Variants in RAB3IP observed in about 807,000 individuals in gnomAD.
RAB3IP encodes the protein rab-3A-interacting protein.
RAB3IP carries 36 observed loss-of-function variants against 59.1 expected under a neutral mutation model. The observed-to-expected ratio is 0.61, with a 90% CI of 0.47 to 0.80. The LOEUF is 0.80. RAB3IP is among the 30% of genes least tolerant of loss of function. The pLI is 0.00. For synonymous variants in RAB3IP, 207 were observed against 191.2 expected (o/e 1.08, Z -0.68); for missense variants, 511 against 536.0 (o/e 0.95, Z 0.46).
upstream of RAB3IP, chr12:69,738,692 G>A (rs1305081251): frequency 6.6e-6 from 1 of 152,204 alleles, no homozygotes; most frequent in Non-Finnish European, 1.5e-5. Flanking sequence ...GGCCAGGGCC[G>A]TGACACCTGC....
intron 4 of RAB3IP, among the ~76,000 whole-genome samples, chr12:69,788,442 A>C (rs1876069297): frequency 6.6e-6 from 1 of 152,144 alleles, no homozygotes; most frequent in South Asian, 2.1e-4. Flanking sequence ...AGTAAAGTAA[A>C]AATAAATATG....
chr12:69,740,329 A>G (rs1034557672), intron 1 of RAB3IP, among the ~76,000 whole-genome samples: 2 of 152,146 alleles, frequency 1.3e-5, no homozygotes, highest in African/African-American at 2.4e-5. Context: ...GTGCATTTTG[A>G]TAGGACTTTT....
At chr12:69,769,658 A>G (rs1457106092) in intron 3 of RAB3IP, among the ~76,000 whole-genome samples, 1 of 152,236 alleles carries the variant, frequency 6.6e-6, no homozygotes, top group Non-Finnish European at 1.5e-5. Flanking sequence ...CCAGAAACAA[A>G]TATTTATTGA....
rs1592650119 is a variant in RAB3IP, at chr12:69,819,414, A to G, written c.*3968A>G. The G allele has an allele frequency of 6.6e-6, 1 of 152,226 alleles. No homozygotes were observed. The highest frequency in any genetic ancestry group is 2.4e-5 in the African/African-American group (1 of 41,438). The allele number at this position is 152,226 out of a possible 1,614,324, so 9.4% of individuals were successfully genotyped here. A position where few individuals can be genotyped will look rare whatever the true frequency, so the allele number is the denominator to read the frequency against. ...AAGTGTGAGGTGCCCACTGAGCATC[A>G]AAGTGGATATGTTAAGCAGGTATTG... On this transcript the variant is annotated 3_prime_UTR_variant, in exon 11 of 11. Coordinates refer to ENST00000247833, the MANE Select transcript of RAB3IP (RefSeq NM_022456.5).
At chr12:69,787,813 A>G (rs1219663059) in intron 4 of RAB3IP, among the ~76,000 whole-genome samples, 2 of 152,132 alleles carry the variant, frequency 1.3e-5, no homozygotes, top group Non-Finnish European at 2.9e-5. Context: ...ACTAATATTT[A>G]TTGAGAGTTC....
At position 69,756,326 on chromosome 12, in the gene RAB3IP, G is replaced by A. The variant is rs1870203962; in HGVS notation, c.252-79G>A. 6.8e-6 allele frequency: 10 copies of A among 1,473,228 alleles called. 1 individual carries two copies. The South Asian group carries it at 1.3e-4, about 19-fold the overall frequency. The allele number at this position is 1,473,228 out of a possible 1,614,324, so 91.3% of individuals were successfully genotyped here. ...AGAAGCTACCAAATTGGGTAGTACA[G>A]TTCTAGAGCTGTGTGTTTAAGCCAG... On this transcript the variant is annotated intron_variant, in intron 2 of 10. Transcript: ENST00000247833.
chr12:69,778,523 G>A (rs1343740208), intron 3 of RAB3IP, among the ~76,000 whole-genome samples: 1 of 145,892 alleles, frequency 6.9e-6, no homozygotes, highest in Non-Finnish European at 1.5e-5. Context: ...TTTCTGTACT[G>A]TTTTTTCCCC....
At chr12:69,759,038 G>T (rs1171878069) in intron 3 of RAB3IP, among the ~76,000 whole-genome samples, 1 of 150,540 alleles carries the variant, frequency 6.6e-6, no homozygotes, top group Non-Finnish European at 1.5e-5. Context: ...CGCAGAGGGG[G>T]ATTTGGCAGG....
intron 1 of RAB3IP, among the ~76,000 whole-genome samples, chr12:69,752,382 A>G (rs1401002424): frequency 6.6e-6 from 1 of 151,418 alleles, no homozygotes; most frequent in East Asian, 1.9e-4. Flanking sequence ...GTTTACTGTT[A>G]TTTATCCTGT....
At chr12:69,798,730 G>A (rs1235208806) in intron 6 of RAB3IP, among the ~76,000 whole-genome samples, 1 of 152,128 alleles carries the variant, frequency 6.6e-6, no homozygotes, top group African/African-American at 2.4e-5. Context: ...TCCAATTTCA[G>A]CTTTCTACAT....
chr12:69,806,500 A>C (rs577694228), intron 8 of RAB3IP, among the ~76,000 whole-genome samples: 4 of 144,584 alleles, frequency 2.8e-5, no homozygotes. Flanking sequence ...TATTTCCTTC[A>C]GTTCTGCTCT....
intron 3 of RAB3IP, among the ~76,000 whole-genome samples, chr12:69,766,699 T>G (rs1872265225): frequency 6.6e-6 from 1 of 151,966 alleles, no homozygotes; most frequent in Non-Finnish European, 1.5e-5. Context: ...TTTTTTTTTG[T>G]ATTTTCAGTT....
chr12:69,746,807 A>T (rs1394937935), intron 1 of RAB3IP, among the ~76,000 whole-genome samples: 1 of 152,144 alleles, frequency 6.6e-6, no homozygotes, highest in African/African-American at 2.4e-5. Context: ...AATCTCAGAA[A>T]CTGTTTCTTT....
chr12:69,797,302 C>T (rs1282323865), intron 6 of RAB3IP, among the ~76,000 whole-genome samples: 2 of 152,236 alleles, frequency 1.3e-5, no homozygotes, highest in East Asian at 3.9e-4. Flanking sequence ...TTACAAATGG[C>T]AATCATAATA....
chr12:69,792,090 G>A (rs1171003407), intron 4 of RAB3IP, among the ~76,000 whole-genome samples: 1 of 152,182 alleles, frequency 6.6e-6, no homozygotes, highest in Non-Finnish European at 1.5e-5. Context: ...TCACTTATAT[G>A]TGGAATCTAA....
chr12:69,751,302 T>A (rs374421151), intron 1 of RAB3IP, among the ~76,000 whole-genome samples: 24 of 152,226 alleles, frequency 1.6e-4, no homozygotes, highest in East Asian at 7.7e-4. Context: ...GTGTGCTTGC[T>A]TTCTGGTATA....
chr12:69,787,827 AT>A (rs1168689080), intron 4 of RAB3IP, among the ~76,000 whole-genome samples: 1 of 152,188 alleles, frequency 6.6e-6, no homozygotes, highest in African/African-American at 2.4e-5. Flanking sequence ...AGAGTTCCCT[AT>A]GTGCTAGGCA....
At chr12:69,808,967 A>G (rs1402018235) in intron 8 of RAB3IP, among the ~76,000 whole-genome samples, 3 of 150,164 alleles carry the variant, frequency 2.0e-5, no homozygotes, top group African/African-American at 4.9e-5. Flanking sequence ...TATTTTGCTC[A>G]TTAGTTGATG....
intron 3 of RAB3IP, among the ~76,000 whole-genome samples, chr12:69,766,666 C>T (rs559267887): frequency 3.2e-4 from 48 of 152,094 alleles, no homozygotes; most frequent in African/African-American, 6.0e-4. Flanking sequence ...GGATTACAGG[C>T]GCCTGCCACC....
Sources: allele counts gnomAD v4.1 joint callset (sites outside exome capture counted in the v4.1 genomes callset), GRCh38; gene constraint gnomAD v4.1.1; transcripts MANE v1.5; gene names NCBI Gene and HGNC (gene_info 2026-07-23, HGNC 2026-07-21).